The following IL1RAPL1 variants were observed in gnomAD, a reference collection of about 807,000 sequenced individuals.
IL1RAPL1 encodes interleukin 1 receptor accessory protein like 1.
A neutral mutation model predicts 48.4 loss-of-function variants in IL1RAPL1; 3 were observed. The observed-to-expected ratio is 0.06, with a 90% CI of 0.03 to 0.16. IL1RAPL1 has a LOEUF of 0.16. Among genes scored for constraint, IL1RAPL1 ranks in the 10% least tolerant of loss-of-function variants. The probability of loss-of-function intolerance (pLI) is 1.00; values close to 1 mark genes in which losing one functional copy is unlikely to be tolerated. For synonymous variants in IL1RAPL1, 185 were observed against 187.7 expected, an observed-to-expected ratio of 0.99 and a Z score of 0.12; for missense variants, 349 against 530.6, an observed-to-expected ratio of 0.66 and a Z score of 3.36.
intron 5 of IL1RAPL1, among the ~76,000 whole-genome samples, chrX:29,602,319 C>T (rs1322953794): frequency 1.8e-5 from 2 of 111,841 alleles, no homozygotes; most frequent in East Asian, 2.8e-4. Flanking sequence ...TTGCTCTTCA[C>T]ATTAGAGGCC....
At chrX:29,367,244 C>T (rs1295586694) in intron 3 of IL1RAPL1, among the ~76,000 whole-genome samples, 1 of 111,667 alleles carries the variant, frequency 9.0e-6, no homozygotes, top group Non-Finnish European at 1.9e-5. Context: ...AAACTTTTAC[C>T]TTTTCTCTCT....
At chrX:29,017,581 A>G (rs1272358334) in intron 2 of IL1RAPL1, among the ~76,000 whole-genome samples, 1 of 111,727 alleles carries the variant, frequency 9.0e-6, no homozygotes, top group Non-Finnish European at 1.9e-5. Flanking sequence ...GTGTCAGCAT[A>G]GTCATGGTGG....
At chrX:29,536,781 T>A (rs60432251) in intron 5 of IL1RAPL1, among the ~76,000 whole-genome samples, 1,467 of 109,687 alleles carry the variant, frequency 0.013, 23 homozygotes, top group African/African-American at 0.045. Flanking sequence ...TATATATATA[T>A]GGATATTAGG....
chrX:29,623,647 A>G (rs1402958468), intron 5 of IL1RAPL1, among the ~76,000 whole-genome samples: 1 of 112,301 alleles, frequency 8.9e-6, no homozygotes, highest in African/African-American at 3.2e-5. Flanking sequence ...ACTCATTAAT[A>G]TAGGAATAAT....
intron 5 of IL1RAPL1, among the ~76,000 whole-genome samples, chrX:29,644,674 C>A (rs1925271375): frequency 9.0e-6 from 1 of 111,482 alleles, no homozygotes; most frequent in South Asian, 3.8e-4. Context: ...TCAAGTGATT[C>A]TCCTGCCTCA....
chrX:29,163,448 G>C (rs1185459868), intron 2 of IL1RAPL1, among the ~76,000 whole-genome samples: 1 of 111,841 alleles, frequency 8.9e-6, no homozygotes, highest in Non-Finnish European at 1.9e-5. Context: ...TGCTTAAATT[G>C]ATAGGCAGTA....
At chrX:29,462,599 G>T (rs1934815671) in intron 5 of IL1RAPL1, among the ~76,000 whole-genome samples, 1 of 111,268 alleles carries the variant, frequency 9.0e-6, no homozygotes, top group South Asian at 3.8e-4. Context: ...CTCTAGCAAG[G>T]TCAGTAATTG....
At chrX:29,810,272 C>A (rs1025375634) in intron 6 of IL1RAPL1, among the ~76,000 whole-genome samples, 1 of 110,304 alleles carries the variant, frequency 9.1e-6, no homozygotes, top group Non-Finnish European at 1.9e-5. Flanking sequence ...CTCACTGCAC[C>A]CTCCACCTCC....
intron 6 of IL1RAPL1, among the ~76,000 whole-genome samples, chrX:29,862,467 G>A (rs1019251579): frequency 9.0e-6 from 1 of 110,891 alleles, no homozygotes; most frequent in African/African-American, 3.3e-5. Flanking sequence ...TGCTGAGCTC[G>A]GCAGAAAGTA....
chrX:29,836,728 T>C (rs1318770651), intron 6 of IL1RAPL1, among the ~76,000 whole-genome samples: 1 of 111,549 alleles, frequency 9.0e-6, no homozygotes, highest in African/African-American at 3.3e-5. Context: ...TTTTTTTTTC[T>C]AGCTTTCTAT....
At chrX:29,190,208 A>G (rs989055357) in intron 2 of IL1RAPL1, among the ~76,000 whole-genome samples, 6 of 112,379 alleles carry the variant, frequency 5.3e-5, no homozygotes, top group Non-Finnish European at 7.5e-5. Flanking sequence ...ATTGCTAATA[A>G]GACAAGACAT....
At chrX:29,706,452 T>A (rs915583400) in intron 6 of IL1RAPL1, among the ~76,000 whole-genome samples, 18 of 111,820 alleles carry the variant, frequency 1.6e-4, no homozygotes, top group Non-Finnish European at 3.2e-4. Context: ...AGTTACTTCC[T>A]GGATACAGTG....
rs955007578 is a variant in IL1RAPL1, at chrX:29,124,427, G to A, written c.83-158511G>A. ...TATGGAAAAGTGAATTGATTGAAAA[G>A]ATTTAGCAAAGAGTTAACTATCAAC... On this transcript the variant is annotated intron_variant, in intron 2 of 10. Transcript: ENST00000378993. Among the ~76,000 whole-genome samples, 3 of 112,238 alleles carry A rather than the reference G, an allele frequency of 2.7e-5. No homozygotes were observed. In the Admixed American group the frequency reaches 2.9e-4, roughly 11 times the overall value.
chrX:29,038,933 G>C (rs1410748072), intron 2 of IL1RAPL1, among the ~76,000 whole-genome samples: 1 of 111,002 alleles, frequency 9.0e-6, no homozygotes, highest in Non-Finnish European at 1.9e-5. Context: ...AAGCATAACG[G>C]TAACTCTAAA....
chrX:29,202,330 G>T (rs1930572157), intron 2 of IL1RAPL1, among the ~76,000 whole-genome samples: 1 of 111,775 alleles, frequency 8.9e-6, no homozygotes, highest in African/African-American at 3.3e-5. Flanking sequence ...ACATCAGTCA[G>T]AATGGCTATT....
chrX:28,750,118 A>G (rs1180317989), intron 1 of IL1RAPL1, among the ~76,000 whole-genome samples: 1 of 109,204 alleles, frequency 9.2e-6, no homozygotes, highest in Non-Finnish European at 1.9e-5. Flanking sequence ...ACCCCTGGCT[A>G]ATTTTTGTAT....
chrX:29,456,516 G>T (rs146208983), intron 5 of IL1RAPL1, among the ~76,000 whole-genome samples: 1 of 109,378 alleles, frequency 9.1e-6, no homozygotes, highest in African/African-American at 3.4e-5. Flanking sequence ...AAGAAAAAGG[G>T]AGTCATTCAT....
intron 2 of IL1RAPL1, among the ~76,000 whole-genome samples, chrX:28,829,897 G>C (rs762640774): frequency 9.0e-6 from 1 of 110,832 alleles, no homozygotes; most frequent in East Asian, 2.8e-4. Context: ...TTTTGAGATG[G>C]TCATGTGGTT....
intron 2 of IL1RAPL1, among the ~76,000 whole-genome samples, chrX:29,141,931 G>A (rs1159993372): frequency 4.8e-5 from 5 of 104,160 alleles, no homozygotes; most frequent in Non-Finnish European, 7.7e-5. Flanking sequence ...TATTTCACAA[G>A]ACAAACAGTG....
Sources: gnomAD v4.1 joint callset for allele counts (sites outside exome capture counted in the v4.1 genomes callset) on GRCh38, gnomAD v4.1.1 for gene constraint, MANE v1.5 for transcripts, NCBI Gene and HGNC (gene_info 2026-07-23, HGNC 2026-07-21) for gene names.